The following CSF3R variants were observed in gnomAD, a reference collection of about 807,000 sequenced individuals.
The protein encoded by CSF3R is granulocyte colony-stimulating factor receptor.
In CSF3R, 52 loss-of-function variants were observed where a neutral mutation model predicts 84.4. The ratio of observed to expected loss-of-function variants is 0.62; its 90% CI spans 0.49 to 0.78. The LOEUF is 0.78. Ranked by LOEUF, CSF3R falls within the 30% of genes least tolerant of loss-of-function variation. CSF3R has a pLI of 0.00. For synonymous variants in CSF3R, 384 were observed against 429.1 expected, an observed-to-expected ratio of 0.89 and a Z score of 1.30; for missense variants, 890 against 1,055.7, an observed-to-expected ratio of 0.84 and a Z score of 2.17.
intron 3 of CSF3R, chr1:36,477,584 T>C (rs1255704222): frequency 6.6e-6 from 1 of 151,426 alleles, no homozygotes; most frequent in Admixed American, 6.6e-5. Flanking sequence ...GATAAATAAA[T>C]AAACAAACAA....
At chr1:36,475,241 A>T in intron 4 of CSF3R, 136 bp downstream of exon 4, 1 of 1,051,036 alleles carries the variant, frequency 9.5e-7, no homozygotes, top group Non-Finnish European at 1.5e-6. Flanking sequence ...TCCTGACCTC[A>T]GGTGATCCGC....
chr1:36,473,993 T>A, intron 4 of CSF3R, 106 bp from the exon 5 acceptor site: 2 of 1,525,670 alleles, frequency 1.3e-6, no homozygotes, highest in South Asian at 2.3e-5. Flanking sequence ...GTTCCTCTGT[T>A]GTCACCTTGT....
chr1:36,474,357 C>T (rs1282786047), intron 4 of CSF3R, among the ~76,000 whole-genome samples: 1 of 144,722 alleles, frequency 6.9e-6, no homozygotes, highest in Admixed American at 6.9e-5. Flanking sequence ...ACAGGAAATG[C>T]TATGTAAGTG....
rs1360091309 is a variant in CSF3R at position 36,473,642 on chromosome 1, G to A, written c.486-20C>T. The A allele has an allele frequency of 2.5e-6, 4 of 1,613,924 alleles. No homozygotes were observed. The highest frequency in any genetic ancestry group is 3.4e-6 in the Non-Finnish European group (4 of 1,180,024). Reference sequence around the variant, plus strand: ...CGGCTCCTGCCAATAGTCCAGGCTTGGGTGCCAAGCAGAGGAAGAAAGCGA... The same window carrying A: ...CGGCTCCTGCCAATAGTCCAGGCTTAGGTGCCAAGCAGAGGAAGAAAGCGA... On this transcript the variant is annotated intron_variant, in intron 5 of 16. Transcript: ENST00000373106.
At position 36,475,597 on chromosome 1, in the gene CSF3R, G is replaced by A. The variant is rs774222963; in HGVS notation, c.141C>T (p.Ile47=). The part of the protein sequence containing the change: ...HLGDPITASC[I]IKQNCSHLDP... ...CCAGATGGCTGCAGTTCTGCTTGAT[G>A]ATGCAGGAGGCTGTGATGGGATCCC... The change falls in exon 4 of 17, where the codon ATC becomes ATT. Residue 47 remains isoleucine (I), a synonymous_variant. Coordinates refer to ENST00000373106, the MANE Select transcript of CSF3R (RefSeq NM_000760.4). The A allele has an allele frequency of 6.2e-7, 1 of 1,609,392 alleles. No individual in the cohort carries two copies. Among genetic ancestry groups the A allele is most frequent in the African/African-American group, 1.3e-5 (1 of 74,940 alleles).
intron 3 of CSF3R, chr1:36,477,745 T>C (rs1386068987): frequency 5.3e-5 from 8 of 151,670 alleles, no homozygotes; most frequent in African/African-American, 1.7e-4. Context: ...GGGCTTCTAC[T>C]GCTTCACAGG....
intron 2 of CSF3R, among the ~76,000 whole-genome samples, chr1:36,480,577 G>A (rs549127113): frequency 1.1e-4 from 16 of 152,342 alleles, no homozygotes; most frequent in South Asian, 2.1e-4. Context: ...CCTCCAGCAC[G>A]AGTTGGTGCT....
chr1:36,473,107 C>G (rs1465434772), intron 6 of CSF3R: 32 of 413,434 alleles, frequency 7.7e-5, no homozygotes, highest in Non-Finnish European at 1.2e-4. Flanking sequence ...TTTTCCCCCC[C>G]ACTTGAATCT....
At position 36,475,627 on chromosome 1, in the gene CSF3R, G is replaced by C; in HGVS notation, c.111C>G (p.His37Gln). ...GHISVSAPIV[H>Q]LGDPITASCI... ...AGGAGGCTGTGATGGGATCCCCCAG[G>C]TGGACGATGGGGGCTGAGACACTGA... Residue 37 changes from histidine to glutamine, a missense_variant, in exon 4 of 17, where the codon CAC becomes CAG. By Grantham distance (24) the His-to-Gln change is conservative (BLOSUM62 0). Coordinates refer to ENST00000373106, the MANE Select transcript of CSF3R (RefSeq NM_000760.4). 1 of 1,607,250 alleles carries C rather than the reference G, an allele frequency of 6.2e-7. No homozygotes were observed.
rs1253613743 is a variant in CSF3R, at chr1:36,467,496, C to T, written c.1958+62G>A. 5.8e-6 allele frequency: 9 copies of T among 1,545,152 alleles called. No homozygotes were observed. The African/African-American group carries it at 8.2e-5, about 14-fold the overall frequency. On this transcript the variant is annotated intron_variant, in intron 15 of 16. Coordinates refer to ENST00000373106, the MANE Select transcript of CSF3R (RefSeq NM_000760.4). The surrounding 1 kb of genome is among the most constrained non-coding windows in gnomAD (Gnocchi z 4.1). Reference sequence around the variant, plus strand: ...CTGGAAGGGACTTAGATGGGCCCATCTGGACCTGAGGTTCCCTGTGGGTGG... The same window carrying T: ...CTGGAAGGGACTTAGATGGGCCCATTTGGACCTGAGGTTCCCTGTGGGTGG...
chr1:36,473,701 A>G (rs1650934561), intron 5 of CSF3R, 63 bp downstream of exon 5: 1 of 1,614,080 alleles, frequency 6.2e-7, no homozygotes, highest in Admixed American at 1.7e-5. Context: ...CATGCCCAGC[A>G]TCCTACCCAT....
chr1:36,479,540 G>A (rs1310715304), intron 2 of CSF3R, 24 bp from the exon 3 acceptor site: 2 of 1,566,136 alleles, frequency 1.3e-6, no homozygotes, highest in South Asian at 2.2e-5. Context: ...GGTTGTTTAA[G>A]ACCATGGGCT....
chr1:36,477,595 A>G (rs1481251954), intron 3 of CSF3R: 6 of 151,834 alleles, frequency 4.0e-5, no homozygotes, highest in Non-Finnish European at 8.8e-5. Flanking sequence ...AAACAAACAA[A>G]TCAACATACA....
At chr1:36,479,577 T>C in intron 2 of CSF3R, 61 bp from the exon 3 acceptor site, 13 of 1,301,952 alleles carry the variant, frequency 1.0e-5, no homozygotes, top group Non-Finnish European at 1.3e-5. Context: ...TCTTAATCCT[T>C]GTCTGTCACT....
At chr1:36,479,404 A>G (rs1651379577) in intron 3 of CSF3R, 29 bp downstream of exon 3, 2 of 1,611,022 alleles carry the variant, frequency 1.2e-6, no homozygotes, top group Admixed American at 1.7e-5. Flanking sequence ...TCCCCTCCCC[A>G]CTGCACCCTC....
intron 1 of CSF3R, chr1:36,481,767 C>A: frequency 6.5e-6 from 1 of 152,680 alleles, no homozygotes. Context: ...TCACACCTCC[C>A]AGGACTGCCA....
Position 36,466,233 on chromosome 1 carries a change from TGACTG to T in CSF3R, c.*119_*123del. On this transcript the variant is annotated 3_prime_UTR_variant, in exon 17 of 17. Transcript: ENST00000373106. This position sits in a 1 kb window ranked among gnomAD's most constrained non-coding sequence, Gnocchi z 4.6. ...GATTGGGAGGAGAGGGAGATGCTGG[TGACTG>T]GAGATGGTGAGAGCCTGGGCTGGGG... The T allele has an allele frequency of 6.2e-7, 1 of 1,613,982 alleles. No homozygotes were observed.
chr1:36,469,651 C>T lies in CSF3R; in HGVS notation c.1474+1G>A. 1 of 1,614,030 alleles carries T rather than the reference C, an allele frequency of 6.2e-7. No individual in the cohort carries two copies. Among genetic ancestry groups the T allele is most frequent in the African/African-American group, 1.3e-5 (1 of 75,056 alleles). On this transcript the variant is annotated splice_donor_variant, in intron 11 of 16. Coordinates refer to ENST00000373106, the MANE Select transcript of CSF3R (RefSeq NM_000760.4). LOFTEE classifies it high-confidence loss of function. ...TGCCCAACTTTCCAGGCCAGCCTCACCCTTCAGCAGAAACCCCGTGGCTCT... is the reference window on the plus strand; with the variant it reads ...TGCCCAACTTTCCAGGCCAGCCTCATCCTTCAGCAGAAACCCCGTGGCTCT...
At chr1:36,479,252 G>A in intron 3 of CSF3R, 181 bp downstream of exon 3, 1 of 699,806 alleles carries the variant, frequency 1.4e-6, no homozygotes, top group African/African-American at 1.8e-5. Context: ...CCTCTTGGGT[G>A]GTGGTTTGCC....
Sources: allele counts gnomAD v4.1 joint callset (sites outside exome capture counted in the v4.1 genomes callset), GRCh38; gene constraint gnomAD v4.1.1; non-coding constraint Gnocchi (gnomAD v3.1); transcripts MANE v1.5; gene names NCBI Gene and HGNC (gene_info 2026-07-23, HGNC 2026-07-21).